Variants in DSCAML1 observed in about 807,000 individuals in gnomAD.
DSCAML1 encodes the protein DS cell adhesion molecule like 1, also known as cell adhesion molecule DSCAML1.
Under a neutral mutation model 200.5 loss-of-function variants are expected in DSCAML1, and 38 were observed. The observed-to-expected ratio is 0.19, with a 90% CI of 0.15 to 0.25. The LOEUF (loss-of-function observed/expected upper bound fraction) is 0.25. Among genes scored for constraint, DSCAML1 ranks in the 10% least tolerant of loss-of-function variants. DSCAML1 has a pLI of 1.00. For missense variants in DSCAML1, 2,223 were observed against 2,858.8 expected (o/e 0.78, Z 5.07); for synonymous variants, 1,215 against 1,165.0 (o/e 1.04, Z -0.87).
intron 3 of DSCAML1, among the ~76,000 whole-genome samples, chr11:117,632,559 T>C (rs2052197579): frequency 6.6e-6 from 1 of 152,234 alleles, no homozygotes; most frequent in Non-Finnish European, 1.5e-5. Context: ...GGAGCCGATA[T>C]GCCACCAGCC....
At chr11:117,675,443 G>A (rs903489849) in intron 3 of DSCAML1, among the ~76,000 whole-genome samples, 13 of 149,918 alleles carry the variant, frequency 8.7e-5, no homozygotes, top group African/African-American at 1.2e-4. Flanking sequence ...GACAACAGGC[G>A]TGTGCCCCTA....
chr11:117,552,007 G>T (rs1333185755), intron 3 of DSCAML1, among the ~76,000 whole-genome samples: 1 of 151,066 alleles, frequency 6.6e-6, no homozygotes, highest in Non-Finnish European at 1.5e-5. Flanking sequence ...TTTGAAAGGA[G>T]GGAGTATGGA....
chr11:117,809,177 C>T (rs565992631), intron 1 of DSCAML1, among the ~76,000 whole-genome samples: 6 of 152,374 alleles, frequency 3.9e-5, no homozygotes, highest in South Asian at 2.1e-4. Flanking sequence ...GGAGTTTGCC[C>T]TGAGACCCCA....
At chr11:117,672,400 C>G (rs1161614782) in intron 3 of DSCAML1, among the ~76,000 whole-genome samples, 1 of 152,138 alleles carries the variant, frequency 6.6e-6, no homozygotes, top group African/African-American at 2.4e-5. Context: ...TTTCCCCCCA[C>G]TCCCCAAACA....
At chr11:117,801,415 G>T (rs1289491177), upstream of DSCAML1, 2 of 152,238 alleles carry the variant, frequency 1.3e-5, no homozygotes, top group African/African-American at 4.8e-5. Flanking sequence ...CCACAAATGT[G>T]TGCAGGCAGA....
intron 3 of DSCAML1, among the ~76,000 whole-genome samples, chr11:117,671,017 C>T (rs1225222572): frequency 6.6e-6 from 1 of 152,176 alleles, no homozygotes; most frequent in African/African-American, 2.4e-5. Flanking sequence ...GAAAGAGGTG[C>T]ACATTTGGAA....
At chr11:117,466,587 C>G (rs1270603475) in intron 16 of DSCAML1, among the ~76,000 whole-genome samples, 2 of 152,056 alleles carry the variant, frequency 1.3e-5, no homozygotes, top group African/African-American at 4.8e-5. Context: ...TGTAGTTCCA[C>G]CTACTCAGGA....
intron 3 of DSCAML1, among the ~76,000 whole-genome samples, chr11:117,598,546 T>C (rs1323669721): frequency 3.3e-5 from 5 of 152,200 alleles, no homozygotes; most frequent in Non-Finnish European, 7.3e-5. Context: ...GTCTGGGGTC[T>C]ATTATGGGCC....
In DSCAML1 at chr11:117,780,626, G is replaced by A. The variant is rs1325165780; in HGVS notation, c.231C>T (p.His77=). The part of the protein sequence containing the change: ...IYDVPHIRHV[H]ANGTLQLYPF... ...GGTAGAGCTGCAGCGTCCCGTTGGC[G>A]TGGACGTGCCGGATGTGCGGCACGT... Residue 77 remains histidine (H), a synonymous_variant, in exon 2 of 33, where the codon CAC becomes CAT. Coordinates refer to ENST00000651296, the MANE Select transcript of DSCAML1 (RefSeq NM_020693.4). The surrounding 1 kb of genome is among the most constrained non-coding windows in gnomAD (Gnocchi z 4.8). 2 of 1,590,110 alleles carry A rather than the reference G, an allele frequency of 1.3e-6. No homozygotes were observed. Among genetic ancestry groups the A allele is most frequent in the Non-Finnish European group, 8.6e-7 (1 of 1,167,256 alleles).
intron 3 of DSCAML1, among the ~76,000 whole-genome samples, chr11:117,538,668 T>G (rs565141345): frequency 1.3e-5 from 2 of 152,000 alleles, no homozygotes; most frequent in Non-Finnish European, 2.9e-5. Context: ...CATGGAGAGA[T>G]AATTGATAGA....
rs1565280985 is a variant in DSCAML1 at position 117,780,296 on chromosome 11, G to GAAAGAA, written c.364+191_364+196dup. On this transcript the variant is annotated intron_variant, in intron 2 of 32. Transcript: ENST00000651296. This position sits in a 1 kb window ranked among gnomAD's most constrained non-coding sequence, Gnocchi z 4.8. ...AGAAAGAAAGAAAGAAAGAAAGAAA[G>GAAAGAA]AAAGAAAGAGAGAAAGGAGAAAGAA... 5.6e-5 allele frequency among the ~76,000 whole-genome samples: 6 copies of GAAAGAA among 106,972 alleles called. No homozygotes were observed. The East Asian group carries it at 1.3e-3, about 23-fold the overall frequency. The allele number at this position is 106,972 out of a possible 152,430, so 70.2% of individuals were successfully genotyped here.
intron 3 of DSCAML1, among the ~76,000 whole-genome samples, chr11:117,535,622 T>A (rs2050154627): frequency 6.6e-6 from 1 of 152,202 alleles, no homozygotes; most frequent in Non-Finnish European, 1.5e-5. Flanking sequence ...TTTGTCTCCA[T>A]GTTGTGACAT....
intron 3 of DSCAML1, among the ~76,000 whole-genome samples, chr11:117,744,680 T>C (rs1160132590): frequency 6.6e-6 from 1 of 152,154 alleles, no homozygotes; most frequent in African/African-American, 2.4e-5. Flanking sequence ...CACACCAACC[T>C]TGCCTTTGGC....
chr11:117,469,974 T>C lies in DSCAML1; in HGVS notation c.2960A>G (p.Asp987Gly), dbSNP rs764027967. ...LTISTEEAAPDGPPMDVTLQP... is the reference protein window; with the variant it reads ...LTISTEEAAPGGPPMDVTLQP... Reference sequence around the variant, plus strand: ...CAAGGTAACATCCATGGGGGGCCCATCGGGAGCTGAGCAGGGTAGCGGGGA... The same window carrying C: ...CAAGGTAACATCCATGGGGGGCCCACCGGGAGCTGAGCAGGGTAGCGGGGA... The change falls in exon 16 of 33, where the codon GAT becomes GGT. Residue 987 changes from aspartate (D) to glycine (G), a missense_variant. Physicochemically the swap from Asp to Gly is moderately conservative, Grantham distance 94. Transcript: ENST00000651296. This position sits in a 1 kb window ranked among gnomAD's most constrained non-coding sequence, Gnocchi z 4.1. 1.9e-6 allele frequency: 3 copies of C among 1,604,208 alleles called. No individual in the cohort carries two copies. Among genetic ancestry groups the C allele is most frequent in the Non-Finnish European group, 2.6e-6 (3 of 1,173,660 alleles).
chr11:117,481,060 C>T (rs2048905215), intron 13 of DSCAML1, 114 bp downstream of exon 13: 1 of 1,026,010 alleles, frequency 9.7e-7, no homozygotes, highest in Admixed American at 2.0e-5. Flanking sequence ...AGGCAGTTTC[C>T]TGTCATCCTC....
chr11:117,479,783 G>A (rs1334171184), intron 14 of DSCAML1, among the ~76,000 whole-genome samples: 2 of 152,158 alleles, frequency 1.3e-5, no homozygotes, highest in Admixed American at 6.5e-5. Context: ...TGAGTAGCTG[G>A]GATTACTGGG....
At chr11:117,725,376 C>T (rs1192760043) in intron 3 of DSCAML1, among the ~76,000 whole-genome samples, 1 of 152,170 alleles carries the variant, frequency 6.6e-6, no homozygotes. Context: ...ACTCCATCCA[C>T]AGGAGGTTTC....
chr11:117,710,396 G>A (rs1248577409), intron 3 of DSCAML1, among the ~76,000 whole-genome samples: 1 of 152,174 alleles, frequency 6.6e-6, no homozygotes, highest in East Asian at 1.9e-4. Context: ...CCTTCCTTGG[G>A]CTGGGCTGTC....
chr11:117,757,571 T>TACACACACAC (rs1491093522), intron 3 of DSCAML1, among the ~76,000 whole-genome samples: 58 of 83,528 alleles, frequency 6.9e-4, no homozygotes, highest in Non-Finnish European at 1.0e-3. Context: ...ATTAGGAGCC[T>TACACACACAC]ATACACACAC....
Sources: gnomAD v4.1 joint callset for allele counts (sites outside exome capture counted in the v4.1 genomes callset) on GRCh38, gnomAD v4.1.1 for gene constraint, Gnocchi (gnomAD v3.1) non-coding constraint, MANE v1.5 for transcripts, NCBI Gene and HGNC (gene_info 2026-07-23, HGNC 2026-07-21) for gene names.